The following PANK1 variants were observed in gnomAD, a reference collection of about 807,000 sequenced individuals.
PANK1 encodes the protein pantothenate kinase 1, also known as pantothenic acid kinase 1.
A neutral mutation model predicts 40.1 loss-of-function variants in PANK1; 18 were observed. The ratio of observed to expected loss-of-function variants is 0.45; its 90% CI spans 0.31 to 0.67. The LOEUF is 0.67. PANK1 is among the 30% of genes least tolerant of loss of function. The pLI is 0.06. For synonymous variants in PANK1, 242 were observed against 237.7 expected (o/e 1.02, Z -0.17); for missense variants, 457 against 599.6 (o/e 0.76, Z 2.48).
At chr10:89,619,934 T>C (rs1176165822) in intron 1 of PANK1, among the ~76,000 whole-genome samples, 1 of 152,224 alleles carries the variant, frequency 6.6e-6, no homozygotes, top group Non-Finnish European at 1.5e-5. Flanking sequence ...GAAGATTTCA[T>C]GGACATTTAT....
intron 1 of PANK1, among the ~76,000 whole-genome samples, chr10:89,636,340 AT>A (rs1218411883): frequency 1.3e-3 from 192 of 150,070 alleles, no homozygotes; most frequent in African/African-American, 4.5e-3. Context: ...TATTATTATT[AT>A]TTTTAATTTT....
intron 1 of PANK1, among the ~76,000 whole-genome samples, chr10:89,612,593 T>G (rs527297788): frequency 1.3e-5 from 2 of 152,316 alleles, no homozygotes; most frequent in East Asian, 3.9e-4. Flanking sequence ...TTAGAAGATG[T>G]GATTCCACTG....
intron 1 of PANK1, among the ~76,000 whole-genome samples, chr10:89,616,114 G>A (rs957809720): frequency 2.0e-5 from 3 of 152,138 alleles, no homozygotes; most frequent in African/African-American, 7.2e-5. Context: ...CATCAACAAC[G>A]TACAGCAGGA....
rs545175618 is a variant in PANK1, at chr10:89,584,051, T to C, written c.*355A>G. On this transcript the variant is annotated 3_prime_UTR_variant, in exon 7 of 7. Transcript: ENST00000307534. Reference sequence around the variant, plus strand: ...CTAAATGAAGTTAAAATCACCACACTGATCAGTAAACCCCAGAAGAAAAAT... The same window carrying C: ...CTAAATGAAGTTAAAATCACCACACCGATCAGTAAACCCCAGAAGAAAAAT... 5.7e-5 allele frequency: 11 copies of C among 193,838 alleles called. No homozygotes were observed. The highest frequency in any genetic ancestry group is 9.5e-5 in the Non-Finnish European group (9 of 94,918). 12.0% of individuals were successfully genotyped at this position (193,838 alleles called of 1,614,324 possible).
At chr10:89,597,797 C>A (rs2133939541) in intron 3 of PANK1, among the ~76,000 whole-genome samples, 1 of 152,344 alleles carries the variant, frequency 6.6e-6, no homozygotes, top group East Asian at 1.9e-4. Flanking sequence ...TATCAAATCA[C>A]TCTCTAATGT....
chr10:89,619,628 G>A (rs193175966), intron 1 of PANK1, among the ~76,000 whole-genome samples: 6 of 152,224 alleles, frequency 3.9e-5, no homozygotes, highest in African/African-American at 1.2e-4. Flanking sequence ...GGCACCCAAG[G>A]GCTCAAGATG....
chr10:89,630,497 TTG>T (rs201050138), intron 1 of PANK1, among the ~76,000 whole-genome samples: 25,298 of 139,528 alleles, frequency 0.18, 2,091 homozygotes, highest in East Asian at 0.33. Flanking sequence ...TGCAGTTTTT[TTG>T]TTTTTTTTTT....
At chr10:89,644,479 C>G in intron 1 of PANK1, 121 bp downstream of exon 1, 1 of 854,654 alleles carries the variant, frequency 1.2e-6, no homozygotes. Context: ...TGTGCAGTCC[C>G]TCGACCGCAG....
At position 89,583,919 on chromosome 10, in the gene PANK1, G is replaced by T. The variant is rs556191804; in HGVS notation, c.*487C>A. ...AAAGGGTACAAAACAAATAACAAAA[G>T]TGTTCACAGTAAAACATGCCAGATT... is the stretch of plus-strand genomic sequence containing the variant. On this transcript the variant is annotated 3_prime_UTR_variant, in exon 7 of 7. Transcript: ENST00000307534. 1 of 153,010 alleles carries T rather than the reference G, an allele frequency of 6.5e-6. No individual in the cohort carries two copies. Among genetic ancestry groups the T allele is most frequent in the Admixed American group, 6.5e-5 (1 of 15,310 alleles). The allele number at this position is 153,010 out of a possible 1,614,324, so 9.5% of individuals were successfully genotyped here. A position where few individuals can be genotyped will look rare whatever the true frequency, so the allele number is the denominator to read the frequency against.
intron 2 of PANK1, among the ~76,000 whole-genome samples, chr10:89,606,245 C>A (rs1176480749): frequency 2.6e-5 from 4 of 152,158 alleles, no homozygotes; most frequent in Non-Finnish European, 5.9e-5. Flanking sequence ...AAGAGAGTTA[C>A]CCTGTCCCTT....
intron 1 of PANK1, among the ~76,000 whole-genome samples, chr10:89,633,238 T>C (rs773504862): frequency 1.1e-4 from 17 of 152,178 alleles, no homozygotes; most frequent in African/African-American, 4.1e-4. Context: ...CCATAGCCTG[T>C]ATAAGTTGGC....
intron 3 of PANK1, among the ~76,000 whole-genome samples, chr10:89,596,074 T>C (rs1334657057): frequency 6.6e-6 from 1 of 151,742 alleles, no homozygotes; most frequent in Non-Finnish European, 1.5e-5. Context: ...GGATTTCCTC[T>C]AAGAAAGTTT....
chr10:89,641,772 T>TAAAA (rs869308467), intron 1 of PANK1, among the ~76,000 whole-genome samples: 3 of 132,280 alleles, frequency 2.3e-5, no homozygotes, highest in African/African-American at 5.5e-5. Flanking sequence ...AATAAATAAA[T>TAAAA]AAAATAAAAA....
At chr10:89,624,315 A>C (rs1449669045) in intron 1 of PANK1, among the ~76,000 whole-genome samples, 1 of 152,248 alleles carries the variant, frequency 6.6e-6, no homozygotes, top group Non-Finnish European at 1.5e-5. Context: ...AAATCAGAAG[A>C]AAATATATGA....
At chr10:89,623,019 T>C (rs982594983) in intron 1 of PANK1, among the ~76,000 whole-genome samples, 1 of 152,172 alleles carries the variant, frequency 6.6e-6, no homozygotes, top group Admixed American at 6.5e-5. Context: ...CAAATGTTCA[T>C]TATCTATCGT....
chr10:89,587,632 C>T (rs1844235542), intron 6 of PANK1, among the ~76,000 whole-genome samples: 1 of 152,164 alleles, frequency 6.6e-6, no homozygotes, highest in Non-Finnish European at 1.5e-5. Context: ...AGAAAGATAA[C>T]TACAGGACTC....
intron 2 of PANK1, 141 bp downstream of exon 2, chr10:89,611,555 G>A (rs1177269758): frequency 9.6e-6 from 6 of 624,530 alleles, no homozygotes; most frequent in Non-Finnish European, 1.7e-5. Flanking sequence ...TTCTTGTATA[G>A]GTGAGAAAAC....
chr10:89,628,749 T>G (rs1272902893), intron 1 of PANK1, among the ~76,000 whole-genome samples: 1 of 152,218 alleles, frequency 6.6e-6, no homozygotes, highest in East Asian at 1.9e-4. Flanking sequence ...TTAAAGATAA[T>G]CTTTCTAAAA....
chr10:89,623,858 G>C (rs545099068), intron 1 of PANK1, among the ~76,000 whole-genome samples: 2 of 152,152 alleles, frequency 1.3e-5, no homozygotes, highest in East Asian at 3.8e-4. Context: ...TACCACAAGG[G>C]TTCCCTCAGG....
Sources: allele counts gnomAD v4.1 joint callset (sites outside exome capture counted in the v4.1 genomes callset), GRCh38; gene constraint gnomAD v4.1.1; transcripts MANE v1.5; gene names NCBI Gene and HGNC (gene_info 2026-07-23, HGNC 2026-07-21).